The following DNAJC6 variants were observed in gnomAD, a reference collection of about 807,000 sequenced individuals.
DNAJC6 encodes auxilin.
In DNAJC6, 34 loss-of-function variants were observed where a neutral mutation model predicts 110.0. The ratio of observed to expected loss-of-function variants is 0.31; its 90% CI spans 0.24 to 0.41. The LOEUF (loss-of-function observed/expected upper bound fraction) is 0.41, where lower values mean the gene tolerates loss of function less well. Ranked by LOEUF, DNAJC6 falls within the 10% of genes least tolerant of loss-of-function variation. The pLI is 1.00. For missense variants in DNAJC6, 1,031 were observed against 1,207.8 expected, an observed-to-expected ratio of 0.85 and a Z score of 2.17; for synonymous variants, 406 against 437.2, an observed-to-expected ratio of 0.93 and a Z score of 0.89.
intron 1 of DNAJC6, among the ~76,000 whole-genome samples, chr1:65,280,426 G>T (rs12087529): frequency 6.6e-6 from 1 of 152,010 alleles, no homozygotes; most frequent in Non-Finnish European, 1.5e-5. Context: ...TGGGCCTTCA[G>T]TTATTAAAAG....
At chr1:65,390,020 T>G (rs564539534) in intron 11 of DNAJC6, among the ~76,000 whole-genome samples, 2 of 152,122 alleles carry the variant, frequency 1.3e-5, no homozygotes, top group Non-Finnish European at 2.9e-5. Context: ...CTCTAAAAAA[T>G]TTTTTAAAAG....
chr1:65,303,967 C>G (rs1645014131), intron 1 of DNAJC6, among the ~76,000 whole-genome samples: 1 of 152,130 alleles, frequency 6.6e-6, no homozygotes, highest in Admixed American at 6.5e-5. Flanking sequence ...TTTAGGCTGC[C>G]TCAGTGGCCA....
At chr1:65,278,129 CTT>C (rs984228177) in intron 1 of DNAJC6, among the ~76,000 whole-genome samples, 22 of 152,310 alleles carry the variant, frequency 1.4e-4, no homozygotes, top group African/African-American at 5.3e-4. Context: ...TTTTCAGCCT[CTT>C]TCCCAGGTTG....
chr1:65,414,133 C>A lies in DNAJC6; in HGVS notation c.*1108C>A, dbSNP rs1211592623. ...AACCAGGTCCCACCTCCCCACAAGG[C>A]AAATCTAGACCCATTAAATTATTAC... is the stretch of plus-strand genomic sequence containing the variant. On this transcript the variant is annotated 3_prime_UTR_variant, in exon 19 of 19. Transcript: ENST00000371069. The A allele has an allele frequency of 2.0e-5, 3 of 152,218 alleles. No homozygotes were observed. The highest frequency in any genetic ancestry group is 4.4e-5 in the Non-Finnish European group (3 of 68,052). 9.4% of individuals were successfully genotyped at this position (152,218 alleles called of 1,614,324 possible). A position where few individuals can be genotyped will look rare whatever the true frequency, so the allele number is the denominator to read the frequency against.
intron 11 of DNAJC6, 136 bp downstream of exon 11, chr1:65,389,763 G>C: frequency 1.1e-6 from 1 of 919,844 alleles, no homozygotes. Context: ...ACTCCCACCT[G>C]TAAGCCCAGC....
chr1:65,403,991 T>G (rs576322910), intron 15 of DNAJC6, among the ~76,000 whole-genome samples: 1 of 152,294 alleles, frequency 6.6e-6, no homozygotes, highest in South Asian at 2.1e-4. Flanking sequence ...CTTTTCTGTA[T>G]TTACCAAATT....
intron 1 of DNAJC6, among the ~76,000 whole-genome samples, chr1:65,265,877 G>GCCGGGCCCCTGCTT (rs1553131696): frequency 7.8e-4 from 119 of 152,110 alleles, no homozygotes; most frequent in Admixed American, 7.8e-3. Context: ...GCGCGGCGGT[G>GCCGGGCCCCTGCTT]CCGGGCCCCT....
intron 13 of DNAJC6, among the ~76,000 whole-genome samples, chr1:65,395,314 G>A (rs1645966398): frequency 6.6e-6 from 1 of 152,138 alleles, no homozygotes; most frequent in East Asian, 1.9e-4. Flanking sequence ...ACCCTTGATT[G>A]TAGGACATAT....
At chr1:65,295,772 G>T (rs12046725) in intron 1 of DNAJC6, among the ~76,000 whole-genome samples, 2 of 152,022 alleles carry the variant, frequency 1.3e-5, no homozygotes, top group Non-Finnish European at 2.9e-5. Flanking sequence ...GGTTTGTGTC[G>T]ACTTAAGTTT....
intron 1 of DNAJC6, among the ~76,000 whole-genome samples, chr1:65,330,613 C>T (rs892065015): frequency 2.6e-5 from 4 of 152,076 alleles, no homozygotes; most frequent in South Asian, 2.1e-4. Context: ...GGACTACAGG[C>T]GCCGCCACCA....
intron 1 of DNAJC6, among the ~76,000 whole-genome samples, chr1:65,272,740 A>G (rs1570196557): frequency 6.6e-6 from 1 of 152,150 alleles, no homozygotes; most frequent in Non-Finnish European, 1.5e-5. Context: ...AGGTCTCACT[A>G]TGTTGCCCAG....
chr1:65,401,573 T>C lies in DNAJC6; in HGVS notation c.2108-188T>C, dbSNP rs140544584. On this transcript the variant is annotated intron_variant, in intron 14 of 18. Coordinates refer to ENST00000371069, the MANE Select transcript of DNAJC6 (RefSeq NM_001256864.2). ...CTGGAAACAGCATTTGTCTTTTCTG[T>C]GGTCTGTCCTTGTTCAAGGCCACCA... 2.4e-3 allele frequency among the ~76,000 whole-genome samples: 372 copies of C among 152,350 alleles called. 4 individuals carry two copies. Among genetic ancestry groups the C allele is most frequent in the African/African-American group, 8.6e-3 (358 of 41,570 alleles).
At position 65,322,597 on chromosome 1, in the gene DNAJC6, G is replaced by C. The variant is rs181682608; in HGVS notation, c.193+12659G>C. Among the ~76,000 whole-genome samples, 160 of 152,252 alleles carry C rather than the reference G, an allele frequency of 1.1e-3. 1 individual carries two copies. Among genetic ancestry groups the C allele is most frequent in the South Asian group, 2.9e-3 (14 of 4,826 alleles). ...GCATATATTTTTATATATTGTATAT[G>C]CAGTATACCTGTGGGAAAAATTCCT... is the stretch of plus-strand genomic sequence containing the variant. On this transcript the variant is annotated intron_variant, in intron 1 of 18. Coordinates refer to ENST00000371069, the MANE Select transcript of DNAJC6 (RefSeq NM_001256864.2).
intron 1 of DNAJC6, among the ~76,000 whole-genome samples, chr1:65,292,158 A>C (rs1189293763): frequency 2.6e-5 from 4 of 151,986 alleles, no homozygotes; most frequent in Non-Finnish European, 5.9e-5. Flanking sequence ...CTGGGATTAC[A>C]GGTGCCTGCC....
At chr1:65,271,502 C>T (rs554773765) in intron 1 of DNAJC6, among the ~76,000 whole-genome samples, 2 of 152,106 alleles carry the variant, frequency 1.3e-5, no homozygotes, top group Non-Finnish European at 2.9e-5. Context: ...CAAGTGAGAT[C>T]ATATGATATT....
At chr1:65,329,423 A>G (rs1205472997) in intron 1 of DNAJC6, among the ~76,000 whole-genome samples, 1 of 152,148 alleles carries the variant, frequency 6.6e-6, no homozygotes, top group Admixed American at 6.6e-5. Context: ...TGACCCAGAG[A>G]GCATCTGGGG....
chr1:65,357,418 A>G (rs184265066), intron 1 of DNAJC6, among the ~76,000 whole-genome samples: 3 of 152,346 alleles, frequency 2.0e-5, no homozygotes, highest in Admixed American at 6.5e-5. Flanking sequence ...GTTTTTGTGG[A>G]GTCCCAGAGG....
intron 4 of DNAJC6, among the ~76,000 whole-genome samples, chr1:65,373,004 C>T (rs1242155327): frequency 6.6e-6 from 1 of 152,100 alleles, no homozygotes; most frequent in Non-Finnish European, 1.5e-5. Context: ...CTAATCTACT[C>T]TTTATCTTCA....
At chr1:65,359,574 C>A (rs894665473) in intron 1 of DNAJC6, among the ~76,000 whole-genome samples, 2 of 152,210 alleles carry the variant, frequency 1.3e-5, no homozygotes, top group Non-Finnish European at 2.9e-5. Flanking sequence ...CTCTTACACC[C>A]TCAAATCCCT....
Sources: gnomAD v4.1 joint callset for allele counts (sites outside exome capture counted in the v4.1 genomes callset) on GRCh38, gnomAD v4.1.1 for gene constraint, MANE v1.5 for transcripts, NCBI Gene and HGNC (gene_info 2026-07-23, HGNC 2026-07-21) for gene names.